Variants in RSF1 observed in about 807,000 individuals in gnomAD.
RSF1 encodes remodeling and spacing factor 1.
RSF1 carries 13 observed loss-of-function variants against 145.2 expected under a neutral mutation model. The ratio of observed to expected loss-of-function variants is 0.09; its 90% CI spans 0.06 to 0.14. RSF1 has a LOEUF of 0.14. RSF1 is among the 10% of genes least tolerant of loss of function. The pLI, the probability that RSF1 is intolerant of heterozygous loss-of-function variation, is 1.00. For missense variants in RSF1, 1,517 were observed against 1,718.2 expected, an observed-to-expected ratio of 0.88 and a Z score of 2.07; for synonymous variants, 577 against 592.6, an observed-to-expected ratio of 0.97 and a Z score of 0.38.
intron 7 of RSF1, among the ~76,000 whole-genome samples, chr11:77,695,482 C>T (rs1424655463): frequency 1.3e-5 from 2 of 152,204 alleles, no homozygotes; most frequent in African/African-American, 4.8e-5. Flanking sequence ...GGGCTACAAT[C>T]CAAAGCTATC....
chr11:77,844,564 A>C, the RSF1 span, among the ~76,000 whole-genome samples: 2 of 151,788 alleles, frequency 1.3e-5, no homozygotes, highest in Non-Finnish European at 2.9e-5. Flanking sequence ...GTCTCACTAC[A>C]TTGCCCAGGC....
intron 2 of RSF1, among the ~76,000 whole-genome samples, chr11:77,748,268 A>G (rs1182579507): frequency 1.4e-5 from 2 of 139,458 alleles, no homozygotes; most frequent in African/African-American, 5.5e-5. Flanking sequence ...TCTGTTACCC[A>G]GGGTAGAGTA....
chr11:77,823,304 T>G (rs966525110), upstream of RSF1, among the ~76,000 whole-genome samples: 3 of 151,946 alleles, frequency 2.0e-5, no homozygotes, highest in Non-Finnish European at 4.4e-5. Flanking sequence ...AAGTTTTAAT[T>G]TAATAAGTCG....
chr11:77,829,013 T>C, the RSF1 span, among the ~76,000 whole-genome samples: 1 of 152,226 alleles, frequency 6.6e-6, no homozygotes, highest in African/African-American at 2.4e-5. Flanking sequence ...TGTGTAGTAA[T>C]GGCATATGAC....
At chr11:77,744,608 T>C (rs1475239260) in intron 3 of RSF1, among the ~76,000 whole-genome samples, 1 of 152,238 alleles carries the variant, frequency 6.6e-6, no homozygotes, top group Non-Finnish European at 1.5e-5. Flanking sequence ...CCTGGCCATG[T>C]ATCACATTTA....
chr11:77,698,451 T>C, intron 7 of RSF1, 36 bp downstream of exon 7: 1 of 1,578,724 alleles, frequency 6.3e-7, no homozygotes, highest in Non-Finnish European at 8.7e-7. Context: ...ACCATGTCTG[T>C]AATATGAGTA....
intron 5 of RSF1, chr11:77,718,539 GC>G (rs1960870246): frequency 6.6e-6 from 1 of 152,138 alleles, no homozygotes; most frequent in Non-Finnish European, 1.5e-5. Context: ...ATATATTGAA[GC>G]CCTAATCCCC....
intron 4 of RSF1, chr11:77,734,637 CA>C (rs1204141352): frequency 6.7e-7 from 1 of 1,490,160 alleles, no homozygotes; most frequent in Non-Finnish European, 9.2e-7. Flanking sequence ...TGAAGTCACA[CA>C]AATGGGGGTC....
chr11:77,736,347 T>C (rs1357478399), intron 4 of RSF1, among the ~76,000 whole-genome samples: 1 of 152,230 alleles, frequency 6.6e-6, no homozygotes, highest in Admixed American at 6.5e-5. Flanking sequence ...GCATTTTCAG[T>C]ATTCAATCAT....
At chr11:77,838,358 T>C in the RSF1 span, among the ~76,000 whole-genome samples, 48 of 152,282 alleles carry the variant, frequency 3.2e-4, no homozygotes, top group African/African-American at 1.1e-3. Flanking sequence ...ATATATGAGA[T>C]TATATCCTTG....
intron 1 of RSF1, among the ~76,000 whole-genome samples, chr11:77,788,142 C>CAAAAAAAAAAAAAA (rs66595170): frequency 2.9e-4 from 1 of 3,432 alleles, no homozygotes; most frequent in Non-Finnish European, 9.4e-4. Context: ...GACACTATCT[C>CAAAAAAAAAAAAAA]AAAAAAAAAA....
At chr11:77,812,772 C>T (rs1948743370) in intron 1 of RSF1, among the ~76,000 whole-genome samples, 1 of 151,786 alleles carries the variant, frequency 6.6e-6, no homozygotes, top group African/African-American at 2.4e-5. Context: ...CACCTGTAGT[C>T]CCAGCTACTC....
At chr11:77,852,651 T>G in the RSF1 span, among the ~76,000 whole-genome samples, 2 of 152,168 alleles carry the variant, frequency 1.3e-5, no homozygotes, top group Non-Finnish European at 2.9e-5. Context: ...TCCATCACAT[T>G]CCCACCTCAC....
At chr11:77,785,594 A>T (rs1948445977) in intron 1 of RSF1, among the ~76,000 whole-genome samples, 1 of 151,736 alleles carries the variant, frequency 6.6e-6, no homozygotes, top group Non-Finnish European at 1.5e-5. Flanking sequence ...CCATCTCAAA[A>T]AAAAAAGAAA....
intron 4 of RSF1, among the ~76,000 whole-genome samples, chr11:77,731,989 C>A (rs1313411195): frequency 6.6e-6 from 1 of 152,192 alleles, no homozygotes; most frequent in Non-Finnish European, 1.5e-5. Context: ...GGACCACTGT[C>A]CTCTAGACCC....
At chr11:77,691,836 G>A (rs1239988291) in intron 8 of RSF1, 1 of 152,184 alleles carries the variant, frequency 6.6e-6, no homozygotes, top group Non-Finnish European at 1.5e-5. Context: ...TGATAATAAA[G>A]CTGTGCTAAG....
At chr11:77,676,663 A>T in intron 13 of RSF1, 129 bp downstream of exon 13, 1 of 675,860 alleles carries the variant, frequency 1.5e-6, no homozygotes, top group Non-Finnish European at 2.4e-6. Flanking sequence ...AAATATCCTG[A>T]AAATAAACAG....
chr11:77,671,957 G>A, intron 15 of RSF1, 85 bp downstream of exon 15: 1 of 1,235,046 alleles, frequency 8.1e-7, no homozygotes, highest in Middle Eastern at 2.0e-4. Context: ...TTCAAAGAAT[G>A]GTACAGAATC....
At chr11:77,685,626 T>C (rs952634251) in intron 9 of RSF1, among the ~76,000 whole-genome samples, 2 of 152,160 alleles carry the variant, frequency 1.3e-5, no homozygotes, top group Non-Finnish European at 2.9e-5. Context: ...AACTTTAATA[T>C]AGTATTAGTA....
Sources: gnomAD v4.1 joint callset for allele counts (sites outside exome capture counted in the v4.1 genomes callset) on GRCh38, gnomAD v4.1.1 for gene constraint, MANE v1.5 for transcripts, NCBI Gene and HGNC (gene_info 2026-07-23, HGNC 2026-07-21) for gene names.